Variants in SYNE2 observed in about 807,000 individuals in gnomAD.
The protein encoded by SYNE2 is spectrin repeat containing nuclear envelope protein 2.
Under a neutral mutation model 856.3 loss-of-function variants are expected in SYNE2, and 431 were observed. The ratio of observed to expected loss-of-function variants is 0.50; its 90% CI spans 0.47 to 0.55. The LOEUF (loss-of-function observed/expected upper bound fraction) is 0.55. Ranked by LOEUF, SYNE2 falls within the 20% of genes least tolerant of loss-of-function variation. The pLI is 0.00. For missense variants in SYNE2, 8,129 were observed against 8,023.2 expected (o/e 1.01, Z -0.50); for synonymous variants, 2,923 against 2,872.3 (o/e 1.02, Z -0.56).
At chr14:63,969,169 C>CTTTTTT (rs34436117) in intron 11 of SYNE2, among the ~76,000 whole-genome samples, 4 of 128,952 alleles carry the variant, frequency 3.1e-5, no homozygotes, top group Middle Eastern at 3.5e-3. Flanking sequence ...GAATCTCATT[C>CTTTTTT]TTTTTTTTTT....
At chr14:64,061,125 G>A (rs370177732) in intron 49 of SYNE2, among the ~76,000 whole-genome samples, 84 of 152,304 alleles carry the variant, frequency 5.5e-4, no homozygotes, top group South Asian at 1.2e-3. Context: ...TTTTTATGAA[G>A]TTGCTTTTGT....
chr14:63,774,393 C>T (rs191158823), intron 1 of SYNE2, among the ~76,000 whole-genome samples: 24 of 147,676 alleles, frequency 1.6e-4, no homozygotes, highest in East Asian at 1.0e-3. Flanking sequence ...TGCTTGAACC[C>T]GGGAGGTGGA....
chr14:63,789,563 C>G (rs1424730105), intron 1 of SYNE2, among the ~76,000 whole-genome samples: 1 of 152,070 alleles, frequency 6.6e-6, no homozygotes, highest in South Asian at 2.1e-4. Context: ...AGGCAGATCA[C>G]CTGAGGTCAG....
rs1003736282 is a variant in SYNE2 at position 63,814,537 on chromosome 14, A to AAT, written c.-304-37955_-304-37954dup. 4.3e-4 allele frequency among the ~76,000 whole-genome samples: 61 copies of AAT among 140,296 alleles called. 1 individual carries two copies. The East Asian group carries it at 0.011, about 26-fold the overall frequency. 92.0% of individuals were successfully genotyped at this position (140,296 alleles called of 152,430 possible). A position where few individuals can be genotyped will look rare whatever the true frequency, so the allele number is the denominator to read the frequency against. On this transcript the variant is annotated intron_variant, in intron 1 of 23. Transcript: ENST00000674003. ...ATATCCATTATATATATCCATATATAATATATATATCCATTATATATAATA... is the reference window on the plus strand; with the variant it reads ...ATATCCATTATATATATCCATATATAATATATATATATCCATTATATATAATA...
intron 49 of SYNE2, among the ~76,000 whole-genome samples, chr14:64,057,658 T>C (rs1215980355): frequency 6.6e-6 from 1 of 152,226 alleles, no homozygotes; most frequent in Non-Finnish European, 1.5e-5. Flanking sequence ...CGGGATCATA[T>C]GGTAGCTCTA....
rs774493347 is a variant in SYNE2 at position 64,220,603 on chromosome 14, G to A, written c.20027G>A (p.Arg6676Lys). The A allele has an allele frequency of 1.9e-6, 3 of 1,614,148 alleles. No homozygotes were observed. Among genetic ancestry groups the A allele is most frequent in the African/African-American group, 1.3e-5 (1 of 75,052 alleles). Reference protein sequence around the residue: ...EAAQGAVDSWRGGLRQSLMQC... With the variant: ...EAAQGAVDSWKGGLRQSLMQC... ...GCACAGGGCGCAGTGGACAGCTGGAGAGGGGGCTTACGACAGTCGCTCATG... is the reference window on the plus strand; with the variant it reads ...GCACAGGGCGCAGTGGACAGCTGGAAAGGGGGCTTACGACAGTCGCTCATG... The change falls in exon 111 of 116, where the codon AGA becomes AAA. Residue 6676 changes from arginine to lysine, a missense_variant. Transcript: ENST00000555002.
At chr14:64,119,676 C>T in intron 67 of SYNE2, 67 bp downstream of exon 67, 1 of 1,550,346 alleles carries the variant, frequency 6.5e-7, no homozygotes, top group South Asian at 1.2e-5. Context: ...CAGAAGAGAA[C>T]TCTGGTTGGA....
At chr14:64,207,310 C>A (rs533695423) in intron 100 of SYNE2, among the ~76,000 whole-genome samples, 10 of 152,256 alleles carry the variant, frequency 6.6e-5, no homozygotes, top group African/African-American at 2.4e-4. Flanking sequence ...CGTGGTGGCT[C>A]ACCCCTGTAA....
rs1181024278 is a variant in SYNE2 at position 63,864,276 on chromosome 14, G to C, written c.-52+11133G>C. On this transcript the variant is annotated intron_variant, in intron 1 of 115. Transcript: ENST00000555002. ...TAAAAGAAAATAAGTTACCTTTGTA[G>C]TCTTTGTACATTTTTCTTTGCAGAA... The C allele has an allele frequency of 3.3e-5, 5 of 152,336 alleles. No individual in the cohort carries two copies. The East Asian group carries it at 9.6e-4, about 29-fold the overall frequency. The allele number at this position is 152,336 out of a possible 1,614,324, so 9.4% of individuals were successfully genotyped here. A position where few individuals can be genotyped will look rare whatever the true frequency, so the allele number is the denominator to read the frequency against.
At position 63,986,602 on chromosome 14, in the gene SYNE2, G is replaced by A; in HGVS notation, c.2298G>A (p.Met766Ile). The change falls in exon 19 of 116, where the codon ATG becomes ATA. Residue 766 changes from methionine (M) to isoleucine (I), a missense_variant. Physicochemically the swap from Met to Ile is conservative, Grantham distance 10. Coordinates refer to ENST00000555002, the MANE Select transcript of SYNE2 (RefSeq NM_182914.3). ...VLDQDDVDTS[M>I]EESLKHLIAK... ...ATCAAGATGATGTGGACACCTCAAT[G>A]GAAGAATCTTTGAAGGTATGTGTGT... The A allele has an allele frequency of 6.2e-7, 1 of 1,614,094 alleles. No individual in the cohort carries two copies. Among genetic ancestry groups the A allele is most frequent in the African/African-American group, 1.3e-5 (1 of 75,040 alleles).
chr14:63,936,212 C>G (rs890857126), intron 2 of SYNE2, among the ~76,000 whole-genome samples: 31 of 152,126 alleles, frequency 2.0e-4, no homozygotes, highest in African/African-American at 7.2e-4. Flanking sequence ...TTATTTAGGG[C>G]CTACACTGGG....
chr14:64,139,109 A>G (rs1431129873), intron 79 of SYNE2, among the ~76,000 whole-genome samples: 2 of 151,614 alleles, frequency 1.3e-5, no homozygotes, highest in Non-Finnish European at 2.9e-5. Context: ...TCAGCCTCCC[A>G]AGTACCTGGA....
rs183452557 is a variant in SYNE2, at chr14:64,041,999, A to G, written c.7222-6001A>G. On this transcript the variant is annotated intron_variant, in intron 45 of 115. Transcript: ENST00000555002. Reference sequence around the variant, plus strand: ...CTACTACCAGTAATTTTTACTCTACATAGATATCTTAAGGAACTCCACACA... The same window carrying G: ...CTACTACCAGTAATTTTTACTCTACGTAGATATCTTAAGGAACTCCACACA... Among the ~76,000 whole-genome samples, 3 of 152,354 alleles carry G rather than the reference A, an allele frequency of 2.0e-5. No individual in the cohort carries two copies. In the East Asian group the frequency reaches 5.8e-4, roughly 29 times the overall value.
At chr14:63,802,811 G>T (rs552068661) in intron 1 of SYNE2, among the ~76,000 whole-genome samples, 1 of 152,168 alleles carries the variant, frequency 6.6e-6, no homozygotes, top group Non-Finnish European at 1.5e-5. Flanking sequence ...CGCGGTGAGT[G>T]TTACAGCTCT....
chr14:63,886,124 A>AC (rs146251176), intron 1 of SYNE2, among the ~76,000 whole-genome samples: 80 of 152,314 alleles, frequency 5.3e-4, no homozygotes, highest in African/African-American at 1.9e-3. Context: ...AGTAGTTTTA[A>AC]CATCCTTACT....
chr14:64,187,774 T>C (rs2098499568), intron 97 of SYNE2, among the ~76,000 whole-genome samples: 1 of 152,196 alleles, frequency 6.6e-6, no homozygotes, highest in African/African-American at 2.4e-5. Context: ...AACGCTAAGA[T>C]TCTGAAGATT....
chr14:63,880,729 G>A (rs1027320472), intron 1 of SYNE2, among the ~76,000 whole-genome samples: 1 of 148,496 alleles, frequency 6.7e-6, no homozygotes, highest in African/African-American at 2.5e-5. Context: ...CTGGAGTACA[G>A]TGGTGTAATC....
chr14:63,919,117 A>T (rs1327083356), intron 2 of SYNE2, among the ~76,000 whole-genome samples: 1 of 152,192 alleles, frequency 6.6e-6, no homozygotes, highest in Non-Finnish European at 1.5e-5. Flanking sequence ...TCATGCAGCA[A>T]ATGTTTCCTG....
At position 64,134,094 on chromosome 14, in the gene SYNE2, A is replaced by G. The variant is rs760549330; in HGVS notation, c.14540A>G (p.Tyr4847Cys). 6.2e-7 allele frequency: 1 copy of G among 1,614,130 alleles called. No individual in the cohort carries two copies. The highest frequency in any genetic ancestry group is 1.1e-5 in the South Asian group (1 of 91,082). Reference sequence around the variant, plus strand: ...AAATGGGAAGAATTTGATGAAAACTATGCATCTCTTGAAAAGGACCTGGAA... The same window carrying G: ...AAATGGGAAGAATTTGATGAAAACTGTGCATCTCTTGAAAAGGACCTGGAA... ...LQKWEEFDEN[Y>C]ASLEKDLEIL... Residue 4847 changes from tyrosine to cysteine, a missense_variant, in exon 78 of 116, where the codon TAT (tyrosine) becomes TGT (cysteine). Physicochemically the swap from Tyr to Cys is radical, Grantham distance 194. Around this residue, in one of 3 missense-constraint regions of SYNE2, gnomAD observed 5,410 missense variants for 5,284.8 expected, o/e 1.02. Transcript: ENST00000555002.
Sources: allele counts gnomAD v4.1 joint callset (sites outside exome capture counted in the v4.1 genomes callset), GRCh38; gene constraint gnomAD v4.1.1; regional missense constraint gnomAD v4.1.1; transcripts MANE v1.5; gene names NCBI Gene and HGNC (gene_info 2026-07-23, HGNC 2026-07-21).